The following PEPD variants were observed in gnomAD, a reference collection of about 807,000 sequenced individuals.
PEPD encodes the protein xaa-Pro dipeptidase.
A neutral mutation model predicts 60.7 loss-of-function variants in PEPD; 53 were observed. The observed-to-expected ratio is 0.87, with a 90% CI of 0.70 to 1.10. The LOEUF (loss-of-function observed/expected upper bound fraction) is 1.10, where lower values mean the gene tolerates loss of function less well. PEPD is among the 50% of genes least tolerant of loss of function. PEPD has a pLI of 0.00. For missense variants in PEPD, 711 were observed against 711.9 expected, an observed-to-expected ratio of 1.00 and a Z score of 0.01; for synonymous variants, 267 against 284.1, an observed-to-expected ratio of 0.94 and a Z score of 0.60.
At chr19:33,401,339 G>A (rs150268713) in intron 12 of PEPD, among the ~76,000 whole-genome samples, 2 of 152,342 alleles carry the variant, frequency 1.3e-5, no homozygotes, top group East Asian at 3.9e-4. Context: ...AGCGCTGAGC[G>A]GCACGTGAAC....
intron 4 of PEPD, among the ~76,000 whole-genome samples, chr19:33,498,505 G>C (rs928114262): frequency 1.6e-4 from 25 of 152,312 alleles, no homozygotes; most frequent in Admixed American, 1.3e-3. Flanking sequence ...AAAAATGTCA[G>C]ACAGTGGCTG....
chr19:33,478,175 G>A (rs1429552243), intron 6 of PEPD, 85 bp from the exon 7 acceptor site: 6 of 856,254 alleles, frequency 7.0e-6, no homozygotes, highest in Admixed American at 3.9e-5. Context: ...ACATGCACAC[G>A]TGATGCATTA....
intron 9 of PEPD, among the ~76,000 whole-genome samples, chr19:33,446,470 G>A (rs1969595835): frequency 6.6e-6 from 1 of 152,236 alleles, no homozygotes; most frequent in Non-Finnish European, 1.5e-5. Flanking sequence ...ACACTCTCTG[G>A]AGTCTTTTCA....
At chr19:33,505,081 G>A (rs955389134) in intron 3 of PEPD, among the ~76,000 whole-genome samples, 6 of 152,198 alleles carry the variant, frequency 3.9e-5, no homozygotes, top group African/African-American at 9.7e-5. Flanking sequence ...GTGCAGACAC[G>A]AGGAGCCCTC....
intron 9 of PEPD, among the ~76,000 whole-genome samples, chr19:33,440,540 C>G (rs1417705896): frequency 6.6e-6 from 1 of 152,134 alleles, no homozygotes; most frequent in African/African-American, 2.4e-5. Context: ...GTCCTCTCCT[C>G]TGCCCGAGTC....
Position 33,490,067 on chromosome 19 carries a change from G to C in PEPD, c.442-10C>G, listed in dbSNP as rs773813771. ...CCGTGTTGACGCCACGCTGGGGAGA[G>C]AGAACACAGACATGACACACGGGGC... On this transcript the variant is annotated splice_polypyrimidine_tract_variant and intron_variant, in intron 5 of 14. Transcript: ENST00000244137. 5 of 1,608,314 alleles carry C rather than the reference G, an allele frequency of 3.1e-6. No individual in the cohort carries two copies. In the South Asian group the frequency reaches 4.4e-5, roughly 14 times the overall value.
chr19:33,510,293 G>A (rs1970895948), intron 3 of PEPD, among the ~76,000 whole-genome samples: 1 of 152,228 alleles, frequency 6.6e-6, no homozygotes, highest in African/African-American at 2.4e-5. Context: ...AAGGAGCGGA[G>A]AGTTTAATAG....
chr19:33,514,715 G>T (rs1290683888), intron 1 of PEPD, among the ~76,000 whole-genome samples: 1 of 151,688 alleles, frequency 6.6e-6, no homozygotes, highest in Admixed American at 6.5e-5. Context: ...CCTCCCTGGG[G>T]ACCCTGGAAC....
At chr19:33,449,587 G>A (rs998589977) in intron 9 of PEPD, among the ~76,000 whole-genome samples, 4 of 152,146 alleles carry the variant, frequency 2.6e-5, no homozygotes, top group East Asian at 3.9e-4. Context: ...TCACTGGTGC[G>A]CAAGTGGACA....
chr19:33,483,961 C>T lies in PEPD; in HGVS notation c.504-5871G>A, dbSNP rs116992539. Among the ~76,000 whole-genome samples, 67 of 152,332 alleles carry T rather than the reference C, an allele frequency of 4.4e-4. No homozygotes were observed. The East Asian group carries it at 0.011, about 26-fold the overall frequency. On this transcript the variant is annotated intron_variant, in intron 6 of 14. Transcript: ENST00000244137. ...ATGGCTTCGTTAATGGTGTTGAAAA[C>T]ACCTATGTAATGCCATGGTTGTGAG... is the stretch of plus-strand genomic sequence containing the variant.
At chr19:33,398,469 G>T (rs561855073) in intron 12 of PEPD, among the ~76,000 whole-genome samples, 1 of 152,322 alleles carries the variant, frequency 6.6e-6, no homozygotes, top group South Asian at 2.1e-4. Context: ...CGTGAAGGGT[G>T]TCTGAGAGAC....
At chr19:33,458,613 GTGTA>G (rs1445095846) in intron 9 of PEPD, among the ~76,000 whole-genome samples, 1 of 138,684 alleles carries the variant, frequency 7.2e-6, no homozygotes, top group African/African-American at 2.7e-5. Context: ...TGTGGGCGGT[GTGTA>G]TGTGTGATGT....
intron 6 of PEPD, among the ~76,000 whole-genome samples, chr19:33,486,165 C>T (rs1970393682): frequency 6.6e-6 from 1 of 152,120 alleles, no homozygotes; most frequent in African/African-American, 2.4e-5. Flanking sequence ...CCAAGTGTTC[C>T]AGGGAGCCTA....
At chr19:33,452,929 C>T (rs1217228214) in intron 9 of PEPD, among the ~76,000 whole-genome samples, 2 of 152,160 alleles carry the variant, frequency 1.3e-5, no homozygotes, top group Admixed American at 1.3e-4. Flanking sequence ...AAAACATGAT[C>T]TCAAAAACCT....
chr19:33,434,167 C>T lies in PEPD; in HGVS notation c.672-20524G>A, dbSNP rs117158319. Among the ~76,000 whole-genome samples the T allele has an allele frequency of 8.7e-3, 1,330 of 152,216 alleles. 11 individuals carry two copies. The highest frequency in any genetic ancestry group is 0.014 in the Non-Finnish European group (962 of 68,022). ...CATCACTTTCAGCGCTGTTCGTGTC[C>T]CTGACTGTGGCAACAATCTGCTCGT... On this transcript the variant is annotated intron_variant, in intron 9 of 14. Transcript: ENST00000244137.
At chr19:33,448,047 T>C (rs890450739) in intron 9 of PEPD, among the ~76,000 whole-genome samples, 2 of 152,252 alleles carry the variant, frequency 1.3e-5, no homozygotes, top group East Asian at 1.9e-4. Context: ...CCGGCAGGTA[T>C]GGAGACAGCC....
chr19:33,477,193 AG>A (rs1970232451), intron 7 of PEPD: 1 of 152,386 alleles, frequency 6.6e-6, no homozygotes, highest in East Asian at 1.9e-4. Flanking sequence ...TCCTTTTGCC[AG>A]GGTCACTCTC....
At chr19:33,471,522 G>A (rs1331542671) in intron 7 of PEPD, among the ~76,000 whole-genome samples, 2 of 152,154 alleles carry the variant, frequency 1.3e-5, no homozygotes, top group Non-Finnish European at 2.9e-5. Context: ...AGCCTCCGTG[G>A]GTCCACCGGC....
chr19:33,413,922 T>C (rs1470779881), intron 9 of PEPD, among the ~76,000 whole-genome samples: 1 of 152,210 alleles, frequency 6.6e-6, no homozygotes, highest in African/African-American at 2.4e-5. Context: ...CTGACTGCCA[T>C]GGCGAGTGGC....
Sources: allele counts gnomAD v4.1 joint callset (sites outside exome capture counted in the v4.1 genomes callset), GRCh38; gene constraint gnomAD v4.1.1; transcripts MANE v1.5; gene names NCBI Gene and HGNC (gene_info 2026-07-23, HGNC 2026-07-21).